The following MINPP1 variants were observed in gnomAD, a reference collection of about 807,000 sequenced individuals.
The protein encoded by MINPP1 is multiple inositol polyphosphate phosphatase 1.
Under a neutral mutation model 46.1 loss-of-function variants are expected in MINPP1, and 28 were observed. The observed-to-expected ratio is 0.61, with a 90% CI of 0.45 to 0.83. The LOEUF is 0.83. Among genes scored for constraint, MINPP1 ranks in the 40% least tolerant of loss-of-function variants. MINPP1 has a pLI of 0.00. For synonymous variants in MINPP1, 268 were observed against 249.1 expected (o/e 1.08, Z -0.72); for missense variants, 603 against 610.0 (o/e 0.99, Z 0.12).
intron 4 of MINPP1, among the ~76,000 whole-genome samples, chr10:87,543,113 C>T (rs1477349855): frequency 6.6e-6 from 1 of 152,180 alleles, no homozygotes; most frequent in African/African-American, 2.4e-5. Flanking sequence ...AGCAAAGAAC[C>T]TGGCTGTACT....
At chr10:87,520,192 T>C (rs1388941268) in intron 3 of MINPP1, among the ~76,000 whole-genome samples, 6 of 152,124 alleles carry the variant, frequency 3.9e-5, no homozygotes, top group Non-Finnish European at 8.8e-5. Context: ...ATAGAACTTT[T>C]TGATAACTGC....
Position 87,513,255 on chromosome 10 carries a change from T to A in MINPP1, c.933+34T>A, listed in dbSNP as rs41299159. ...TATTTTTGCAGTTTCTTTGCTTTTT[T>A]AAAAAAATTTTTTTTGGCTTGCTTG... On this transcript the variant is annotated intron_variant, in intron 3 of 4. Transcript: ENST00000371996. The A allele has an allele frequency of 0.16, 240,174 of 1,549,430 alleles. 19,919 individuals carry two copies. The highest frequency in any genetic ancestry group is 0.17 in the South Asian group (15,118 of 87,774).
chr10:87,540,700 T>G (rs893407911), intron 4 of MINPP1, among the ~76,000 whole-genome samples: 1 of 152,182 alleles, frequency 6.6e-6, no homozygotes. Context: ...AACTGGAGAT[T>G]TGGTTCCTTC....
At position 87,505,982 on chromosome 10, in the gene MINPP1, C is replaced by T. The variant is rs1453378605; in HGVS notation, c.637+430C>T. ...AAAAAACAGAATCTAGAATTTTCTT[C>T]CTCGGGCTTTGCTTCCGATACTAGT... On this transcript the variant is annotated intron_variant, in intron 1 of 4. Coordinates refer to ENST00000371996, the MANE Select transcript of MINPP1 (RefSeq NM_004897.5). The surrounding 1 kb of genome is among the most constrained non-coding windows in gnomAD (Gnocchi z 4.4). 6.6e-6 allele frequency among the ~76,000 whole-genome samples: 1 copy of T among 151,906 alleles called. No homozygotes were observed.
At position 87,552,500 on chromosome 10, in the gene MINPP1, T is replaced by A; in HGVS notation, c.*22T>A. On this transcript the variant is annotated 3_prime_UTR_variant, in exon 5 of 5. Coordinates refer to ENST00000371996, the MANE Select transcript of MINPP1 (RefSeq NM_004897.5). ...ATGAGTAACTGAAGAACATTTTTAA[T>A]TCTTTAGGAATCTGCAATGAGTGAT... 10 of 1,608,670 alleles carry A rather than the reference T, an allele frequency of 6.2e-6. No individual in the cohort carries two copies. Among genetic ancestry groups the A allele is most frequent in the Non-Finnish European group, 8.5e-6 (10 of 1,178,430 alleles).
rs1214678977 is a variant in MINPP1, at chr10:87,552,499, A to G, written c.*21A>G. 14 of 1,608,474 alleles carry G rather than the reference A, an allele frequency of 8.7e-6. No individual in the cohort carries two copies. The highest frequency in any genetic ancestry group is 1.2e-5 in the Non-Finnish European group (14 of 1,178,266). ...TATGAGTAACTGAAGAACATTTTTA[A>G]TTCTTTAGGAATCTGCAATGAGTGA... is the stretch of plus-strand genomic sequence containing the variant. On this transcript the variant is annotated 3_prime_UTR_variant, in exon 5 of 5. Transcript: ENST00000371996.
At chr10:87,520,383 A>C (rs1589374332) in intron 3 of MINPP1, among the ~76,000 whole-genome samples, 1 of 152,168 alleles carries the variant, frequency 6.6e-6, no homozygotes, top group Admixed American at 6.5e-5. Context: ...TAAATGGGTC[A>C]TAGGGTATGT....
chr10:87,505,156 G>A lies in MINPP1; in HGVS notation c.241G>A (p.Val81Met). The A allele has an allele frequency of 1.2e-6, 2 of 1,610,466 alleles. No homozygotes were observed. Among genetic ancestry groups the A allele is most frequent in the Non-Finnish European group, 1.7e-6 (2 of 1,178,604 alleles). Reference protein sequence around the residue: ...PELLEGTCTPVQLVALIRHGT... With the variant: ...PELLEGTCTPMQLVALIRHGT... ...GCTGCTGGAGGGGACCTGCACCCCG[G>A]TGCAGCTGGTCGCCCTCATTCGCCA... The change falls in exon 1 of 5, where the codon GTG becomes ATG. Residue 81 changes from valine to methionine, a missense_variant. Transcript: ENST00000371996. The surrounding 1 kb of genome is among the most constrained non-coding windows in gnomAD (Gnocchi z 4.4).
intron 1 of MINPP1, among the ~76,000 whole-genome samples, chr10:87,506,713 T>C (rs1365486895): frequency 6.6e-6 from 1 of 152,168 alleles, no homozygotes; most frequent in Non-Finnish European, 1.5e-5. Context: ...TCTTGATCAC[T>C]TTTAAGGCCA....
chr10:87,531,228 T>C (rs1851656372), intron 4 of MINPP1, among the ~76,000 whole-genome samples: 1 of 152,248 alleles, frequency 6.6e-6, no homozygotes, highest in South Asian at 2.1e-4. Flanking sequence ...CCTAGTGGGA[T>C]GAACCCGCTA....
intron 4 of MINPP1, among the ~76,000 whole-genome samples, chr10:87,527,412 A>G (rs549685061): frequency 2.2e-3 from 341 of 152,350 alleles, no homozygotes; most frequent in African/African-American, 7.9e-3. Context: ...TGGGTTTGTC[A>G]TAAATAGCTT....
At chr10:87,542,567 T>A (rs1432569676) in intron 4 of MINPP1, among the ~76,000 whole-genome samples, 1 of 152,206 alleles carries the variant, frequency 6.6e-6, no homozygotes, top group Admixed American at 6.5e-5. Context: ...CCCAAAGTGC[T>A]AGGATTACAG....
chr10:87,532,749 A>G (rs560340835), intron 4 of MINPP1, among the ~76,000 whole-genome samples: 3 of 152,392 alleles, frequency 2.0e-5, no homozygotes, highest in South Asian at 2.1e-4. Context: ...AAGAAAATCA[A>G]TATATGCTCA....
intron 4 of MINPP1, among the ~76,000 whole-genome samples, chr10:87,545,222 T>G (rs1380321617): frequency 6.6e-6 from 1 of 152,170 alleles, no homozygotes; most frequent in Non-Finnish European, 1.5e-5. Context: ...TGAATTATTA[T>G]GGCAGTTTTT....
At chr10:87,534,291 G>C (rs1262085652) in intron 4 of MINPP1, among the ~76,000 whole-genome samples, 1 of 152,100 alleles carries the variant, frequency 6.6e-6, no homozygotes, top group Non-Finnish European at 1.5e-5. Context: ...CTAACCTCAG[G>C]TGGTCTGCCT....
chr10:87,546,343 A>G (rs1851886229), intron 4 of MINPP1, among the ~76,000 whole-genome samples: 1 of 152,144 alleles, frequency 6.6e-6, no homozygotes, highest in African/African-American at 2.4e-5. Context: ...AGTGTATTCT[A>G]GTTAGCACAT....
chr10:87,549,362 G>A (rs1236165594), intron 4 of MINPP1, among the ~76,000 whole-genome samples: 5 of 152,016 alleles, frequency 3.3e-5, no homozygotes, highest in African/African-American at 1.2e-4. Flanking sequence ...TATTTGTCTT[G>A]TATCTTTTCT....
intron 4 of MINPP1, among the ~76,000 whole-genome samples, chr10:87,523,436 C>T (rs568988806): frequency 4.7e-4 from 71 of 151,578 alleles, no homozygotes; most frequent in African/African-American, 1.6e-3. Context: ...TTGCAAGCTC[C>T]GCCTCCTGGG....
At chr10:87,517,172 TAAA>T (rs1416209351) in intron 3 of MINPP1, among the ~76,000 whole-genome samples, 1 of 150,536 alleles carries the variant, frequency 6.6e-6, no homozygotes, top group Non-Finnish European at 1.5e-5. Flanking sequence ...CGACACAAGT[TAAA>T]AAAAAAGCTT....
Sources: gnomAD v4.1 joint callset for allele counts (sites outside exome capture counted in the v4.1 genomes callset) on GRCh38, gnomAD v4.1.1 for gene constraint, Gnocchi (gnomAD v3.1) non-coding constraint, MANE v1.5 for transcripts, NCBI Gene and HGNC (gene_info 2026-07-23, HGNC 2026-07-21) for gene names.